TATDN1: variants seen among roughly 807,000 people sequenced by gnomAD.
The protein encoded by TATDN1 is TatD DNase domain containing 1.
TATDN1 carries 40 observed loss-of-function variants against 46.4 expected under a neutral mutation model. That is an observed-to-expected ratio of 0.86 (90% CI 0.67 to 1.12). The LOEUF (loss-of-function observed/expected upper bound fraction) is 1.12. Ranked by LOEUF, TATDN1 falls within the 50% of genes most tolerant of loss-of-function variation. The pLI, the probability that TATDN1 is intolerant of heterozygous loss-of-function variation, is 0.00. For synonymous variants in TATDN1, 95 were observed against 105.6 expected (o/e 0.90, Z 0.62); for missense variants, 326 against 348.4 (o/e 0.94, Z 0.51).
In TATDN1 at chr8:124,488,614, C is replaced by CT. The variant is rs745920719; in HGVS notation, c.873dup (p.Val292SerfsTer27). The CT allele has an allele frequency of 1.9e-6, 3 of 1,563,440 alleles. No individual in the cohort carries two copies. In the South Asian group the frequency reaches 3.4e-5, roughly 18 times the overall value. The stretch of plus-strand genomic sequence containing the variant: ...ACCAATTATATTCCAGGAAAAAATA[C>CT]TTTAATAGTATTGTTATATAGTGTA... On this transcript the variant is annotated frameshift_variant, in exon 12 of 12. Transcript: ENST00000276692. LOFTEE classifies it high-confidence loss of function.
At chr8:124,497,377 C>A (rs1817565426) in intron 9 of TATDN1, among the ~76,000 whole-genome samples, 1 of 151,974 alleles carries the variant, frequency 6.6e-6, no homozygotes, top group East Asian at 1.9e-4. Context: ...CATCCACCTC[C>A]CAGGTTCAAG....
chr8:124,537,829 C>G (rs1211186693), intron 1 of TATDN1, among the ~76,000 whole-genome samples: 1 of 152,024 alleles, frequency 6.6e-6, no homozygotes, highest in East Asian at 1.9e-4. Flanking sequence ...TTTCCTGGCA[C>G]TTAACATATT....
chr8:124,497,964 T>C (rs1452305583), intron 9 of TATDN1, among the ~76,000 whole-genome samples: 5 of 152,362 alleles, frequency 3.3e-5, no homozygotes, highest in Middle Eastern at 3.4e-3. Context: ...TCACCATTTA[T>C]TTATAATCTT....
At chr8:124,529,948 T>G (rs2131556165) in intron 1 of TATDN1, among the ~76,000 whole-genome samples, 1 of 152,158 alleles carries the variant, frequency 6.6e-6, no homozygotes, top group South Asian at 2.1e-4. Flanking sequence ...AAAAATTAGT[T>G]GGGCATGGTG....
chr8:124,523,033 T>C, intron 1 of TATDN1, 31 bp from the exon 2 acceptor site: 1 of 1,583,696 alleles, frequency 6.3e-7, no homozygotes, highest in South Asian at 1.1e-5. Flanking sequence ...TGATTAATTA[T>C]TGAGTCTCTA....
chr8:124,501,726 G>GTC (rs1817982762), intron 9 of TATDN1, among the ~76,000 whole-genome samples: 1 of 152,036 alleles, frequency 6.6e-6, no homozygotes, highest in Non-Finnish European at 1.5e-5. Flanking sequence ...CGAGTTATCA[G>GTC]TCTAGTATGC....
intron 9 of TATDN1, among the ~76,000 whole-genome samples, chr8:124,500,061 T>G (rs1435489550): frequency 6.6e-6 from 1 of 151,868 alleles, no homozygotes; most frequent in Non-Finnish European, 1.5e-5. Flanking sequence ...GCCAGGCTGG[T>G]CTTGAACTCC....
At position 124,515,940 on chromosome 8, in the gene TATDN1, T is replaced by C; in HGVS notation, c.293A>G (p.Asn98Ser). ...NPDLYLKELLNLAENNKGKVV... is the reference protein window; with the variant it reads ...NPDLYLKELLSLAENNKGKVV... ...TTTCCCTTTATTGTTTTCAGCAAGATTTAGCAACTCCTTTAAGTAAAGATC... is the reference window on the plus strand; with the variant it reads ...TTTCCCTTTATTGTTTTCAGCAAGACTTAGCAACTCCTTTAAGTAAAGATC... The change falls in exon 5 of 12, where the codon AAT becomes AGT. Residue 98 changes from asparagine (N) to serine (S), a missense_variant. Asn to Ser is a conservative substitution (Grantham distance 46). Transcript: ENST00000276692. 6.2e-7 allele frequency: 1 copy of C among 1,614,102 alleles called. No individual in the cohort carries two copies. The highest frequency in any genetic ancestry group is 8.5e-7 in the Non-Finnish European group (1 of 1,180,012).
intron 6 of TATDN1, among the ~76,000 whole-genome samples, chr8:124,513,788 C>T (rs1223959139): frequency 6.6e-6 from 1 of 152,200 alleles, no homozygotes; most frequent in Non-Finnish European, 1.5e-5. Context: ...TGTCATAACA[C>T]AGTCTATTAG....
At chr8:124,519,688 G>C (rs1819859138) in intron 3 of TATDN1, among the ~76,000 whole-genome samples, 1 of 152,188 alleles carries the variant, frequency 6.6e-6, no homozygotes, top group African/African-American at 2.4e-5. Context: ...GTGGTTTTGA[G>C]AGCAAAAGGT....
chr8:124,490,552 A>G (rs1816896404), intron 11 of TATDN1, among the ~76,000 whole-genome samples: 1 of 152,090 alleles, frequency 6.6e-6, no homozygotes, highest in Admixed American at 6.5e-5. Context: ...GGAGCTTAGG[A>G]CATCCTATTT....
At chr8:124,506,674 G>A (rs1818462313) in intron 8 of TATDN1, among the ~76,000 whole-genome samples, 1 of 152,184 alleles carries the variant, frequency 6.6e-6, no homozygotes, top group Non-Finnish European at 1.5e-5. Context: ...CAGGCCGCAT[G>A]GGAATGCAAG....
chr8:124,524,718 T>A (rs1820339087), intron 1 of TATDN1, among the ~76,000 whole-genome samples: 1 of 152,178 alleles, frequency 6.6e-6, no homozygotes, highest in Non-Finnish European at 1.5e-5. Flanking sequence ...GGGGAGGGAC[T>A]GGGCTCAATT....
intron 8 of TATDN1, among the ~76,000 whole-genome samples, chr8:124,507,872 G>C (rs1818647855): frequency 6.6e-6 from 1 of 151,222 alleles, no homozygotes; most frequent in African/African-American, 2.4e-5. Flanking sequence ...ACGCATTCTT[G>C]TACTTTGAAC....
Position 124,518,945 on chromosome 8 carries a change from A to T in TATDN1, c.139-64T>A, listed in dbSNP as rs560485548. 1.3e-4 allele frequency: 139 copies of T among 1,047,202 alleles called. No homozygotes were observed. In the African/African-American group the frequency reaches 2.1e-3, roughly 16 times the overall value. 64.9% of individuals were successfully genotyped at this position (1,047,202 alleles called of 1,614,324 possible). A position where few individuals can be genotyped will look rare whatever the true frequency, so the allele number is the denominator to read the frequency against. On this transcript the variant is annotated intron_variant, in intron 3 of 11. Transcript: ENST00000276692. ...GGGCAGCAATAACAGTTTCCTAAAC[A>T]TGCCTTCCTACCACTTCCTTATTCC...
intron 4 of TATDN1, chr8:124,518,595 T>G (rs1180047139): frequency 2.3e-6 from 1 of 428,734 alleles, no homozygotes; most frequent in African/African-American, 2.1e-5. Flanking sequence ...AGCTGAAATC[T>G]TAAAATAATC....
chr8:124,516,052 G>T, intron 4 of TATDN1, 22 bp from the exon 5 acceptor site: 4 of 1,551,292 alleles, frequency 2.6e-6, no homozygotes, highest in Admixed American at 2.0e-5. Context: ...TAATGTCTTA[G>T]GATTATTTTC....
At chr8:124,516,768 G>A (rs1253283037) in intron 4 of TATDN1, among the ~76,000 whole-genome samples, 3 of 152,170 alleles carry the variant, frequency 2.0e-5, no homozygotes, top group African/African-American at 4.8e-5. Flanking sequence ...TTAAAGTGGT[G>A]GAAAGGGGGA....
At chr8:124,504,003 A>C in intron 9 of TATDN1, 1 of 1,213,928 alleles carries the variant, frequency 8.2e-7, no homozygotes, top group South Asian at 1.3e-5. Flanking sequence ...AAATTGGATT[A>C]CCAGAGAAAG....
Sources: gnomAD v4.1 joint callset for allele counts (sites outside exome capture counted in the v4.1 genomes callset) on GRCh38, gnomAD v4.1.1 for gene constraint, MANE v1.5 for transcripts, NCBI Gene and HGNC (gene_info 2026-07-23, HGNC 2026-07-21) for gene names.